C2orf81: variants seen among roughly 807,000 people sequenced by gnomAD.
The protein encoded by C2orf81 is chromosome 2 open reading frame 81.
C2orf81 carries 5 observed loss-of-function variants against 7.9 expected under a neutral mutation model. That is an observed-to-expected ratio of 0.63 (90% CI 0.33 to 1.33). C2orf81 has a LOEUF of 1.33. C2orf81 is among the 40% of genes most tolerant of loss of function. The pLI is 0.05. For synonymous variants in C2orf81, 346 were observed against 367.4 expected, an observed-to-expected ratio of 0.94 and a Z score of 0.66; for missense variants, 781 against 830.4, an observed-to-expected ratio of 0.94 and a Z score of 0.73.
At chr2:74,417,156 C>G (rs1234387003) in intron 1 of C2orf81, among the ~76,000 whole-genome samples, 1 of 152,172 alleles carries the variant, frequency 6.6e-6, no homozygotes. Flanking sequence ...AACATTGAAC[C>G]AAAAACAAAA....
Position 74,414,415 on chromosome 2 carries a change from C to T in C2orf81, c.1762G>A (p.Val588Met). Reference protein sequence around the residue: ...RSTQVLLSSGVPEQEDKEGST... With the variant: ...RSTQVLLSSGMPEQEDKEGST... ...CCTTCTTTGTCCTCTTGTTCAGGCA[C>T]ACCAGAGCTGAGCAACACCTGGGTG... The change falls in exon 3 of 3, where the codon GTG (valine) becomes ATG (methionine). Residue 588 changes from valine (V) to methionine (M), a missense_variant. Val to Met is a conservative substitution (Grantham distance 21). Coordinates refer to ENST00000684111, the MANE Select transcript of C2orf81 (RefSeq NM_001316764.3). This position sits in a 1 kb window ranked among gnomAD's most constrained non-coding sequence, Gnocchi z 5.3. 6.5e-7 allele frequency: 1 copy of T among 1,549,828 alleles called. No individual in the cohort carries two copies. The highest frequency in any genetic ancestry group is 8.7e-7 in the Non-Finnish European group (1 of 1,145,752).
At chr2:74,416,919 G>A (rs1676485016) in intron 1 of C2orf81, among the ~76,000 whole-genome samples, 1 of 152,112 alleles carries the variant, frequency 6.6e-6, no homozygotes, top group South Asian at 2.1e-4. Flanking sequence ...CTCCCTGACA[G>A]ACCCGGGGGA....
In C2orf81 at chr2:74,415,320, G is replaced by T. The variant is rs1469127491; in HGVS notation, c.857C>A (p.Ala286Asp). The T allele has an allele frequency of 1.3e-6, 2 of 1,545,672 alleles. No homozygotes were observed. The highest frequency in any genetic ancestry group is 1.7e-6 in the Non-Finnish European group (2 of 1,143,628). Reference sequence around the variant, plus strand: ...GAGGGGGTGTCCCCTCCCAGTTGAGGCCTGGGGGCTGGCTACCAGGTACGG... The same window carrying T: ...GAGGGGGTGTCCCCTCCCAGTTGAGTCCTGGGGGCTGGCTACCAGGTACGG... The part of the protein sequence containing the change: ...LDPYLVASPQ[A>D]STGRGHPLGF... Residue 286 changes from alanine to aspartate, a missense_variant, in exon 3 of 3, where the codon GCC becomes GAC. Physicochemically the swap from Ala to Asp is moderately radical, Grantham distance 126. Transcript: ENST00000684111. This position sits in a 1 kb window ranked among gnomAD's most constrained non-coding sequence, Gnocchi z 5.5.
chr2:74,414,626 C>T lies in C2orf81; in HGVS notation c.1551G>A (p.Leu517=). 3 of 1,550,086 alleles carry T rather than the reference C, an allele frequency of 1.9e-6. No homozygotes were observed. Among genetic ancestry groups the T allele is most frequent in the South Asian group, 2.4e-5 (2 of 83,864 alleles). The change falls in exon 3 of 3, where the codon CTG becomes CTA. Residue 517 remains leucine (L), a synonymous_variant. Coordinates refer to ENST00000684111, the MANE Select transcript of C2orf81 (RefSeq NM_001316764.3). This position sits in a 1 kb window ranked among gnomAD's most constrained non-coding sequence, Gnocchi z 5.3. Reference sequence around the variant, plus strand: ...GAGGCACGCGGGTCCGGCCAGCCCACAGCTCGCCCAGCAGCTCGGCCTTCC... The same window carrying T: ...GAGGCACGCGGGTCCGGCCAGCCCATAGCTCGCCCAGCAGCTCGGCCTTCC... The part of the protein sequence containing the change: ...WEGKAELLGE[L]WAGRTRVPPQ...
In C2orf81 at chr2:74,415,902, G is replaced by A. The variant is rs772211027; in HGVS notation, c.275C>T (p.Ala92Val). 1.3e-6 allele frequency: 2 copies of A among 1,549,410 alleles called. No individual in the cohort carries two copies. Among genetic ancestry groups the A allele is most frequent in the Non-Finnish European group, 1.7e-6 (2 of 1,145,294 alleles). ...GGTGATCTGCAGCATGGCCTCCCGG[G>A]CCTGGCTGATGGTGAATGGAATGCA... ...QQCIPFTISQAREAMLQITEW... is the reference protein window; with the variant it reads ...QQCIPFTISQVREAMLQITEW... Residue 92 changes from alanine (A) to valine (V), a missense_variant, in exon 3 of 3, where the codon GCC becomes GTC. Physicochemically the swap from Ala to Val is moderately conservative, Grantham distance 64. Transcript: ENST00000684111. This position sits in a 1 kb window ranked among gnomAD's most constrained non-coding sequence, Gnocchi z 5.5.
chr2:74,416,114 G>A lies in C2orf81; in HGVS notation c.146C>T (p.Ala49Val). The A allele has an allele frequency of 6.5e-7, 1 of 1,536,714 alleles. No individual in the cohort carries two copies. The highest frequency in any genetic ancestry group is 8.8e-7 in the Non-Finnish European group (1 of 1,138,178). ...PGRLSEAEWM[A>V]LTALEEGEDV... ...CTCGCCCTCCTCGAGGGCTGTAAGC[G>A]CCATCCACTCGGCCTCACTGAGCCG... The change falls in exon 2 of 3, where the codon GCG (alanine) becomes GTG (valine). Residue 49 changes from alanine (A) to valine (V), a missense_variant. Physicochemically the swap from Ala to Val is moderately conservative, Grantham distance 64. Coordinates refer to ENST00000684111, the MANE Select transcript of C2orf81 (RefSeq NM_001316764.3).
chr2:74,415,509 G>A lies in C2orf81; in HGVS notation c.668C>T (p.Ala223Val), dbSNP rs749469641. Residue 223 changes from alanine (A) to valine (V), a missense_variant, in exon 3 of 3, where the codon GCC becomes GTC. Physicochemically the swap from Ala to Val is moderately conservative, Grantham distance 64. Transcript: ENST00000684111. The surrounding 1 kb of genome is among the most constrained non-coding windows in gnomAD (Gnocchi z 5.5). ...AAACAGCTCTGATGTGGGAGGAGGG[G>A]CCGACGTGACTCTCAGCTGCGGAGA... The part of the protein sequence containing the change: ...EPSPQLRVTS[A>V]PPPTSELFQE... The A allele has an allele frequency of 6.5e-7, 1 of 1,544,734 alleles. No individual in the cohort carries two copies. The highest frequency in any genetic ancestry group is 8.8e-7 in the Non-Finnish European group (1 of 1,141,802).
In C2orf81 at chr2:74,420,809, C is replaced by T. The variant is rs1573218244; in HGVS notation, c.18+734G>A. Among the ~76,000 whole-genome samples the T allele has an allele frequency of 2.9e-5, 3 of 104,146 alleles. No individual in the cohort carries two copies. The South Asian group carries it at 9.9e-4, about 34-fold the overall frequency. 68.3% of individuals were successfully genotyped at this position (104,146 alleles called of 152,430 possible). ...TTTTTTTTTTTTTTTTTGAGACAGT[C>T]TCTCTCTGTCACCCAGGCTAGAGCG... On this transcript the variant is annotated intron_variant, in intron 1 of 2. Transcript: ENST00000684111.
rs573294235 is a variant in C2orf81 at position 74,416,101 on chromosome 2, G to T, written c.159C>A (p.Leu53=). 1.3e-6 allele frequency: 2 copies of T among 1,542,010 alleles called. No homozygotes were observed. The highest frequency in any genetic ancestry group is 2.7e-5 in the African/African-American group (2 of 73,014). ...SEAEWMALTA[L]EEGEDVVGDI... The stretch of plus-strand genomic sequence containing the variant: ...CCCCTACGACGTCCTCGCCCTCCTC[G>T]AGGGCTGTAAGCGCCATCCACTCGG... Residue 53 remains leucine, a synonymous_variant, in exon 2 of 3, where the codon CTC becomes CTA. Coordinates refer to ENST00000684111, the MANE Select transcript of C2orf81 (RefSeq NM_001316764.3).
chr2:74,416,278 C>A, intron 1 of C2orf81, 37 bp from the exon 2 acceptor site: 1 of 1,292,016 alleles, frequency 7.7e-7, no homozygotes, highest in Non-Finnish European at 1.0e-6. Context: ...AGCAGGAAAC[C>A]AAGAAGTGGA....
rs1327671491 is a variant in C2orf81, at chr2:74,415,580, C to T, written c.597G>A (p.Ser199=). ...GCTCCTGGGAGCCTCGACCCATCCACGACCTTCCTAAAGGGATCCGGTCCA... is the reference window on the plus strand; with the variant it reads ...GCTCCTGGGAGCCTCGACCCATCCATGACCTTCCTAAAGGGATCCGGTCCA... ...GGVDRIPLGR[S]WMGRGSQEQM... The change falls in exon 3 of 3, where the codon TCG becomes TCA. Residue 199 remains serine (S), a synonymous_variant. Transcript: ENST00000684111. This position sits in a 1 kb window ranked among gnomAD's most constrained non-coding sequence, Gnocchi z 5.5. 5 of 1,551,246 alleles carry T rather than the reference C, an allele frequency of 3.2e-6. No homozygotes were observed. In the African/African-American group the frequency reaches 4.1e-5, roughly 13 times the overall value.
At chr2:74,420,190 A>G (rs1676563433) in intron 1 of C2orf81, among the ~76,000 whole-genome samples, 1 of 152,226 alleles carries the variant, frequency 6.6e-6, no homozygotes, top group African/African-American at 2.4e-5. Context: ...CAACAAAAGG[A>G]AAACTTCAAA....
chr2:74,418,096 C>A, intron 1 of C2orf81: 1 of 687,942 alleles, frequency 1.5e-6, no homozygotes, highest in South Asian at 1.5e-5. Flanking sequence ...GGGAGCAGAT[C>A]AAAGCTGTCC....
intron 1 of C2orf81, among the ~76,000 whole-genome samples, chr2:74,417,956 T>C (rs935621386): frequency 6.6e-5 from 10 of 151,064 alleles, no homozygotes; most frequent in Non-Finnish European, 1.5e-4. Context: ...ACTCAGCCCA[T>C]AGGGACCTGC....
chr2:74,421,461 C>G, intron 1 of C2orf81, 82 bp downstream of exon 1: 1 of 316,254 alleles, frequency 3.2e-6, no homozygotes, highest in Admixed American at 5.0e-5. Flanking sequence ...ACTGGGCGGC[C>G]CAGAGCCAGC....
At position 74,414,487 on chromosome 2, in the gene C2orf81, G is replaced by A. The variant is rs767708383; in HGVS notation, c.1690C>T (p.Pro564Ser). The A allele has an allele frequency of 1.3e-6, 2 of 1,550,466 alleles. No homozygotes were observed. The highest frequency in any genetic ancestry group is 2.7e-5 in the African/African-American group (2 of 73,014). Residue 564 changes from proline to serine, a missense_variant, in exon 3 of 3, where the codon CCA becomes TCA. Transcript: ENST00000684111. The surrounding 1 kb of genome is among the most constrained non-coding windows in gnomAD (Gnocchi z 5.3). ...CCAGGGGCCAGCTTCAGGGCTTCTG[G>A]CAGCAACACGGGCTTCCACATCACC... ...SQVMWKPVLL[P>S]EALKLAPGVS...
At chr2:74,420,976 C>G (rs1676596817) in intron 1 of C2orf81, among the ~76,000 whole-genome samples, 2 of 151,822 alleles carry the variant, frequency 1.3e-5, no homozygotes, top group Non-Finnish European at 2.9e-5. Flanking sequence ...GAGACGGGGT[C>G]TCGCCATGTT....
chr2:74,419,367 A>T (rs1174595219), intron 1 of C2orf81, among the ~76,000 whole-genome samples: 2 of 152,196 alleles, frequency 1.3e-5, no homozygotes, highest in Non-Finnish European at 2.9e-5. Context: ...AAAACCATTT[A>T]AGATCCCAAA....
At chr2:74,416,565 C>CAAAAAAAAAAAAAAAAAAAAA (rs59349435) in intron 1 of C2orf81, 8 of 52,176 alleles carry the variant, frequency 1.5e-4, no homozygotes, top group East Asian at 5.3e-4. Context: ...GACTGCGTCT[C>CAAAAAAAAAAAAAAAAAAAAA]AAAAAAAAAA....
Sources: allele counts gnomAD v4.1 joint callset (sites outside exome capture counted in the v4.1 genomes callset), GRCh38; gene constraint gnomAD v4.1.1; non-coding constraint Gnocchi (gnomAD v3.1); transcripts MANE v1.5; gene names NCBI Gene and HGNC (gene_info 2026-07-23, HGNC 2026-07-21).